The following BOD1L1 variants were observed in gnomAD, a reference collection of about 807,000 sequenced individuals.
The protein encoded by BOD1L1 is biorientation of chromosomes in cell division 1 like 1.
Under a neutral mutation model 240.7 loss-of-function variants are expected in BOD1L1, and 86 were observed. That is an observed-to-expected ratio of 0.36 (90% CI 0.30 to 0.43). The LOEUF (loss-of-function observed/expected upper bound fraction) is 0.43. Among genes scored for constraint, BOD1L1 ranks in the 20% least tolerant of loss-of-function variants. The pLI is 1.00. For synonymous variants in BOD1L1, 1,268 were observed against 1,272.3 expected (o/e 1.00, Z 0.07); for missense variants, 3,554 against 3,643.5 (o/e 0.98, Z 0.63).
At chr4:13,572,695 G>C in intron 25 of BOD1L1, 1 of 1,289,576 alleles carries the variant, frequency 7.8e-7, no homozygotes, top group Non-Finnish European at 1.0e-6. Flanking sequence ...TGTAAGCAGG[G>C]ACTTACCTTC....
chr4:13,595,275 C>T (rs539862900), intron 12 of BOD1L1, among the ~76,000 whole-genome samples: 3 of 152,116 alleles, frequency 2.0e-5, no homozygotes, highest in South Asian at 4.2e-4. Flanking sequence ...TTGGGGTCTT[C>T]GGTAATTTTT....
intron 1 of BOD1L1, among the ~76,000 whole-genome samples, chr4:13,620,968 G>A (rs1716993459): frequency 6.6e-6 from 1 of 152,186 alleles, no homozygotes; most frequent in African/African-American, 2.4e-5. Flanking sequence ...TACAACTGAT[G>A]AGAGTGCTAT....
intron 25 of BOD1L1, chr4:13,572,685 T>C (rs1560174766): frequency 3.1e-6 from 4 of 1,288,646 alleles, no homozygotes; most frequent in Non-Finnish European, 4.0e-6. Context: ...TGGCTTGAAG[T>C]GTAAGCAGGG....
chr4:13,572,622 G>A, intron 25 of BOD1L1: 1 of 1,177,870 alleles, frequency 8.5e-7, no homozygotes, highest in South Asian at 1.5e-5. Flanking sequence ...AATCTTAAAG[G>A]AAATTAGGAA....
chr4:13,621,020 C>G (rs566462817), intron 1 of BOD1L1, among the ~76,000 whole-genome samples: 2 of 152,264 alleles, frequency 1.3e-5, no homozygotes, highest in Admixed American at 1.3e-4. Context: ...ACTGAAGATC[C>G]TACAATGCAT....
rs1250426636 is a variant in BOD1L1, at chr4:13,602,985, G to A, written c.3915C>T (p.Asp1305=). ...TGCTACCTTCCAAAACAGTTCTTTTGTCAAACAGAGGAATTACATCTGGAT... is the reference window on the plus strand; with the variant it reads ...TGCTACCTTCCAAAACAGTTCTTTTATCAAACAGAGGAATTACATCTGGAT... ...SYDPDVIPLF[D]KRTVLEGSTA... Residue 1305 remains aspartate (D), a synonymous_variant, in exon 10 of 26, where the codon GAC becomes GAT. Coordinates refer to ENST00000040738, the MANE Select transcript of BOD1L1 (RefSeq NM_148894.3). The A allele has an allele frequency of 6.2e-7, 1 of 1,613,974 alleles. No individual in the cohort carries two copies. The highest frequency in any genetic ancestry group is 1.7e-5 in the Admixed American group (1 of 60,028).
At chr4:13,609,435 A>G in intron 6 of BOD1L1, 29 bp from the exon 7 acceptor site, 1 of 1,381,872 alleles carries the variant, frequency 7.2e-7, no homozygotes, top group Non-Finnish European at 9.6e-7. Context: ...CTAACAGATT[A>G]TTAGGCAAAG....
rs767540356 is a variant in BOD1L1 at position 13,599,344 on chromosome 4, G to A, written c.7556C>T (p.Pro2519Leu). The A allele has an allele frequency of 2.5e-6, 4 of 1,613,918 alleles. No individual in the cohort carries two copies. Among genetic ancestry groups the A allele is most frequent in the Admixed American group, 1.7e-5 (1 of 60,008 alleles). Reference protein sequence around the residue: ...EQTSGQTAKDPSVSIRYLAAV... With the variant: ...EQTSGQTAKDLSVSIRYLAAV... ...TGCCAAATAGCGAATGCTGACAGAG[G>A]GATCCTTAGCCGTCTGCCCAGACGT... Residue 2519 changes from proline to leucine, a missense_variant, in exon 10 of 26, where the codon CCC becomes CTC. Physicochemically the swap from Pro to Leu is moderately conservative, Grantham distance 98 (BLOSUM62 -3). Around this residue, in one of 2 missense-constraint regions of BOD1L1, gnomAD observed 3,393 missense variants for 3,427.1 expected, o/e 0.99. Coordinates refer to ENST00000040738, the MANE Select transcript of BOD1L1 (RefSeq NM_148894.3).
rs763873726 is a variant in BOD1L1 at position 13,601,959 on chromosome 4, T to C, written c.4941A>G (p.Thr1647=). 4 of 1,614,034 alleles carry C rather than the reference T, an allele frequency of 2.5e-6. No individual in the cohort carries two copies. The highest frequency in any genetic ancestry group is 2.2e-5 in the South Asian group (2 of 91,084). Residue 1647 remains threonine (T), a synonymous_variant, in exon 10 of 26, where the codon ACA becomes ACG. Coordinates refer to ENST00000040738, the MANE Select transcript of BOD1L1 (RefSeq NM_148894.3). ...TGGTTACAGCATCATCCTTTTCCTC[T>C]GTCACAACGCTATTTACATTGGCTT... ...KIEANVNSVV[T]EEKDDAVTSA...
At position 13,605,080 on chromosome 4, in the gene BOD1L1, C is replaced by T. The variant is rs1168692793; in HGVS notation, c.1820G>A (p.Cys607Tyr). ...SKETLKTSEH[C>Y]EKEKISSSKE... ...TGAAGAAGAAATTTTTTCCTTTTCA[C>T]AATGCTGAAAGAAAACAAAGGTTAA... Residue 607 changes from cysteine (C) to tyrosine (Y), a missense_variant, in exon 10 of 26, where the codon TGT (cysteine) becomes TAT (tyrosine). By Grantham distance (194) the Cys-to-Tyr change is radical. Around this residue, in one of 2 missense-constraint regions of BOD1L1, gnomAD observed 3,393 missense variants for 3,427.1 expected, o/e 0.99. Coordinates refer to ENST00000040738, the MANE Select transcript of BOD1L1 (RefSeq NM_148894.3). The T allele has an allele frequency of 6.5e-7, 1 of 1,538,112 alleles. No homozygotes were observed. The highest frequency in any genetic ancestry group is 1.3e-5 in the South Asian group (1 of 78,224).
chr4:13,593,710 T>G (rs1435091014), intron 12 of BOD1L1, among the ~76,000 whole-genome samples: 1 of 152,132 alleles, frequency 6.6e-6, no homozygotes, highest in Non-Finnish European at 1.5e-5. Flanking sequence ...CTTACTTCCA[T>G]CAGTCATTTC....
Position 13,588,808 on chromosome 4 carries a change from A to G in BOD1L1, c.8210-16T>C. On this transcript the variant is annotated splice_polypyrimidine_tract_variant and intron_variant, in intron 14 of 25. Transcript: ENST00000040738. ...CTGGATATCTCTGAGTAATAAATAC[A>G]AAAAAGAAAAAAAAATCTTAAATAT... 1.3e-6 allele frequency: 2 copies of G among 1,505,132 alleles called. No individual in the cohort carries two copies. The highest frequency in any genetic ancestry group is 2.4e-5 in the East Asian group (1 of 41,148). 93.2% of individuals were successfully genotyped at this position (1,505,132 alleles called of 1,614,324 possible).
intron 3 of BOD1L1, 78 bp downstream of exon 3, chr4:13,615,234 A>T: frequency 7.3e-7 from 1 of 1,379,298 alleles, no homozygotes; most frequent in Non-Finnish European, 9.8e-7. Flanking sequence ...AAATGTGTTA[A>T]AGAGCCAAGT....
intron 7 of BOD1L1, among the ~76,000 whole-genome samples, chr4:13,608,906 G>A (rs1466450399): frequency 6.6e-6 from 1 of 152,076 alleles, no homozygotes; most frequent in African/African-American, 2.4e-5. Context: ...AGTGCCCAGA[G>A]GGAATACAAT....
chr4:13,620,227 A>G (rs1476619392), intron 1 of BOD1L1, among the ~76,000 whole-genome samples, 160 bp from the exon 2 acceptor site: 1 of 152,250 alleles, frequency 6.6e-6, no homozygotes, highest in Non-Finnish European at 1.5e-5. Context: ...ATTTTGTGTA[A>G]GACAAGGTGT....
intron 16 of BOD1L1, 129 bp from the exon 17 acceptor site, chr4:13,586,604 CTATATT>C (rs1577324851): frequency 7.9e-6 from 4 of 509,078 alleles, no homozygotes; most frequent in Non-Finnish European, 1.4e-5. Flanking sequence ...AAAAGTTACT[CTATATT>C]TATAATATCA....
At chr4:13,617,487 A>C (rs1716705831) in intron 2 of BOD1L1, among the ~76,000 whole-genome samples, 1 of 152,274 alleles carries the variant, frequency 6.6e-6, no homozygotes, top group East Asian at 1.9e-4. Context: ...GCCTCACCCA[A>C]GTGGGGAGAA....
At position 13,576,784 on chromosome 4, in the gene BOD1L1, T is replaced by G. The variant is rs1020707324; in HGVS notation, c.9038+54A>C. 5 of 1,561,806 alleles carry G rather than the reference T, an allele frequency of 3.2e-6. No individual in the cohort carries two copies. In the Admixed American group the frequency reaches 1.1e-4, roughly 33 times the overall value. On this transcript the variant is annotated intron_variant, in intron 25 of 25. Coordinates refer to ENST00000040738, the MANE Select transcript of BOD1L1 (RefSeq NM_148894.3). ...GAATCCCAGAAAACCCAGAGCAATT[T>G]TCAGATGGAGAAGCTGGTGAAGGTC...
At chr4:13,581,671 T>C (rs1713239431) in intron 19 of BOD1L1, among the ~76,000 whole-genome samples, 1 of 152,176 alleles carries the variant, frequency 6.6e-6, no homozygotes, top group Non-Finnish European at 1.5e-5. Context: ...CTGTGTCTCT[T>C]GATTTATGGT....
Sources: gnomAD v4.1 joint callset for allele counts (sites outside exome capture counted in the v4.1 genomes callset) on GRCh38, gnomAD v4.1.1 for gene constraint, gnomAD v4.1.1 regional missense constraint, MANE v1.5 for transcripts, NCBI Gene and HGNC (gene_info 2026-07-23, HGNC 2026-07-21) for gene names.